Variants in PMS1 observed in about 807,000 individuals in gnomAD.
The protein encoded by PMS1 is PMS1 homolog 1, mismatch repair system component.
Under a neutral mutation model 93.1 loss-of-function variants are expected in PMS1, and 79 were observed. The observed-to-expected ratio is 0.85, with a 90% CI of 0.71 to 1.02. The LOEUF (loss-of-function observed/expected upper bound fraction) is 1.02, where lower values mean the gene tolerates loss of function less well. Among genes scored for constraint, PMS1 ranks in the 50% least tolerant of loss-of-function variants. The probability of loss-of-function intolerance (pLI) is 0.00; values close to 1 mark genes in which losing one functional copy is unlikely to be tolerated. For missense variants in PMS1, 1,064 were observed against 1,085.3 expected, an observed-to-expected ratio of 0.98 and a Z score of 0.28; for synonymous variants, 335 against 363.4, an observed-to-expected ratio of 0.92 and a Z score of 0.89.
At chr2:189,842,568 A>C (rs2106409421) in intron 5 of PMS1, among the ~76,000 whole-genome samples, 1 of 152,204 alleles carries the variant, frequency 6.6e-6, no homozygotes, top group South Asian at 2.1e-4. Context: ...CCCCATGTTG[A>C]CCTAAAAGGA....
At chr2:189,846,540 A>G (rs560306246) in intron 6 of PMS1, among the ~76,000 whole-genome samples, 43 of 151,616 alleles carry the variant, frequency 2.8e-4, no homozygotes, top group African/African-American at 1.0e-3. Context: ...CTAGTCAAGC[A>G]TGGTAGTACG....
At chr2:189,823,812 A>G (rs1481720380) in intron 5 of PMS1, among the ~76,000 whole-genome samples, 1 of 152,060 alleles carries the variant, frequency 6.6e-6, no homozygotes, top group East Asian at 1.9e-4. Context: ...TTTTGTTTCA[A>G]AGAAACATCT....
intron 9 of PMS1, among the ~76,000 whole-genome samples, chr2:189,860,406 G>A (rs1233473063): frequency 1.3e-5 from 2 of 151,704 alleles, no homozygotes; most frequent in East Asian, 3.9e-4. Flanking sequence ...TCTATGTGTA[G>A]TAGTTTTTTT....
chr2:189,828,256 C>T (rs1016308183), intron 5 of PMS1, among the ~76,000 whole-genome samples: 2 of 152,134 alleles, frequency 1.3e-5, no homozygotes, highest in African/African-American at 4.8e-5. Flanking sequence ...TCTGTCACAC[C>T]GTAGGGACAC....
At chr2:189,839,239 C>T (rs1205034215) in intron 5 of PMS1, among the ~76,000 whole-genome samples, 3 of 152,328 alleles carry the variant, frequency 2.0e-5, no homozygotes, top group Non-Finnish European at 2.9e-5. Context: ...GATCCACCCG[C>T]CTTGGCCTCC....
At chr2:189,851,950 C>T (rs1007169786) in intron 6 of PMS1, among the ~76,000 whole-genome samples, 3 of 152,166 alleles carry the variant, frequency 2.0e-5, no homozygotes, top group African/African-American at 4.8e-5. Context: ...TTCTCTGCTT[C>T]CTATCCCTTC....
At chr2:189,792,746 C>G (rs1206383782) in intron 2 of PMS1, among the ~76,000 whole-genome samples, 1 of 142,594 alleles carries the variant, frequency 7.0e-6, no homozygotes, top group Non-Finnish European at 1.5e-5. Context: ...TTCTATAAAT[C>G]ACTTCTCATA....
chr2:189,828,842 A>G (rs888954361), intron 5 of PMS1, among the ~76,000 whole-genome samples: 2 of 151,948 alleles, frequency 1.3e-5, no homozygotes, highest in African/African-American at 2.4e-5. Flanking sequence ...ACTGATTGGT[A>G]AACAGTTTAA....
chr2:189,803,223 A>AT (rs1559228096), intron 3 of PMS1, among the ~76,000 whole-genome samples: 1 of 152,098 alleles, frequency 6.6e-6, no homozygotes, highest in Non-Finnish European at 1.5e-5. Context: ...TGTCAAGAGG[A>AT]TTTTTACCTG....
chr2:189,798,370 A>AGAG (rs1491259340), intron 3 of PMS1, among the ~76,000 whole-genome samples: 1 of 152,200 alleles, frequency 6.6e-6, no homozygotes, highest in Admixed American at 6.5e-5. Flanking sequence ...GTTGGAGCAT[A>AGAG]GAGGACTAGG....
chr2:189,867,313 T>C (rs2056751147), intron 10 of PMS1, among the ~76,000 whole-genome samples: 1 of 152,200 alleles, frequency 6.6e-6, no homozygotes, highest in Non-Finnish European at 1.5e-5. Flanking sequence ...TTGGCAAACA[T>C]GCCAGACCTG....
At chr2:189,816,798 A>G (rs955262515) in intron 4 of PMS1, among the ~76,000 whole-genome samples, 8 of 152,154 alleles carry the variant, frequency 5.3e-5, no homozygotes, top group Non-Finnish European at 8.8e-5. Flanking sequence ...AAATTGACCT[A>G]TTGCAGCAAC....
At chr2:189,829,931 ACTT>A (rs2052773049) in intron 5 of PMS1, among the ~76,000 whole-genome samples, 1 of 152,140 alleles carries the variant, frequency 6.6e-6, no homozygotes, top group Admixed American at 6.5e-5. Flanking sequence ...CTCCCTGCTT[ACTT>A]CTTATCCTCT....
intron 6 of PMS1, among the ~76,000 whole-genome samples, chr2:189,850,619 G>A (rs575367483): frequency 6.6e-6 from 1 of 152,242 alleles, no homozygotes; most frequent in South Asian, 2.1e-4. Context: ...GAAAAAGGGG[G>A]CTGATAATGG....
intron 1 of PMS1, among the ~76,000 whole-genome samples, chr2:189,789,113 A>C (rs879745074): frequency 1.3e-5 from 2 of 152,212 alleles, no homozygotes; most frequent in Non-Finnish European, 2.9e-5. Context: ...AATCAAATAT[A>C]TAGATTAATT....
At chr2:189,861,111 C>T (rs1250926781) in intron 9 of PMS1, among the ~76,000 whole-genome samples, 6 of 151,728 alleles carry the variant, frequency 4.0e-5, no homozygotes, top group Middle Eastern at 3.4e-3. Flanking sequence ...TTCTGTTTGT[C>T]CTAGCTCTAT....
intron 3 of PMS1, among the ~76,000 whole-genome samples, chr2:189,799,760 G>A (rs886377540): frequency 2.0e-5 from 3 of 152,172 alleles, no homozygotes; most frequent in East Asian, 1.9e-4. Context: ...TGCCCTTACC[G>A]CAGCTGAAGA....
chr2:189,867,814 T>G lies in PMS1; in HGVS notation c.2358T>G (p.Ser786=). The G allele has an allele frequency of 6.3e-6, 10 of 1,574,864 alleles. No homozygotes were observed. The highest frequency in any genetic ancestry group is 8.7e-6 in the Non-Finnish European group (10 of 1,144,414). The change falls in exon 11 of 13, where the codon TCT becomes TCG. Residue 786 remains serine (S), a synonymous_variant. Coordinates refer to ENST00000441310, the MANE Select transcript of PMS1 (RefSeq NM_000534.5). ...TCTTTTTCAGTCTTTTTAATGGATC[T>G]CATTATTTAGACGTTTTATATAAAA... The part of the protein sequence containing the change: ...IMLTESLFNG[S]HYLDVLYKMT...
intron 5 of PMS1, among the ~76,000 whole-genome samples, chr2:189,831,655 T>G (rs1305614544): frequency 6.6e-6 from 1 of 152,200 alleles, no homozygotes; most frequent in Non-Finnish European, 1.5e-5. Flanking sequence ...TTGATTTTAC[T>G]CCTAAAAGAA....
Sources: allele counts gnomAD v4.1 joint callset (sites outside exome capture counted in the v4.1 genomes callset), GRCh38; gene constraint gnomAD v4.1.1; transcripts MANE v1.5; gene names NCBI Gene and HGNC (gene_info 2026-07-23, HGNC 2026-07-21).